The following EPHA4 variants were observed in gnomAD, a reference collection of about 807,000 sequenced individuals.
The protein encoded by EPHA4 is ephrin type-A receptor 4.
Under a neutral mutation model 108.3 loss-of-function variants are expected in EPHA4, and 19 were observed. The ratio of observed to expected loss-of-function variants is 0.18; its 90% CI spans 0.12 to 0.26. The LOEUF (loss-of-function observed/expected upper bound fraction) is 0.26, where lower values mean the gene tolerates loss of function less well. Ranked by LOEUF, EPHA4 falls within the 10% of genes least tolerant of loss-of-function variation. EPHA4 has a pLI of 1.00. For synonymous variants in EPHA4, 449 were observed against 455.5 expected (o/e 0.99, Z 0.18); for missense variants, 917 against 1,254.0 (o/e 0.73, Z 4.06).
intron 3 of EPHA4, among the ~76,000 whole-genome samples, chr2:221,505,559 C>T (rs1329881131): frequency 1.3e-5 from 2 of 152,012 alleles, no homozygotes; most frequent in Non-Finnish European, 1.5e-5. Context: ...CTCCTGACCT[C>T]GTGATCCGCC....
chr2:221,437,757 CAAA>C (rs538233784), intron 11 of EPHA4, among the ~76,000 whole-genome samples: 1 of 125,884 alleles, frequency 7.9e-6, no homozygotes, highest in African/African-American at 2.9e-5. Context: ...ACTAAAAATA[CAAA>C]AAAAAAAAAA....
intron 11 of EPHA4, 29 bp from the exon 12 acceptor site, chr2:221,437,151 C>T (rs756728538): frequency 3.3e-6 from 5 of 1,535,174 alleles, no homozygotes; most frequent in African/African-American, 2.7e-5. Flanking sequence ...AAAACACAAA[C>T]CTTTGATGAG....
chr2:221,517,502 T>C (rs1574628442), intron 3 of EPHA4, among the ~76,000 whole-genome samples: 3 of 152,058 alleles, frequency 2.0e-5, no homozygotes, highest in Admixed American at 2.0e-4. Context: ...GCAGGGGACC[T>C]GTAAGGAGGC....
intron 9 of EPHA4, among the ~76,000 whole-genome samples, chr2:221,445,669 G>C (rs1213661203): frequency 6.7e-6 from 1 of 149,998 alleles, no homozygotes; most frequent in Non-Finnish European, 1.5e-5. Flanking sequence ...TGACCTCTTT[G>C]GAACATCAAA....
chr2:221,448,674 C>T (rs1227527667), intron 8 of EPHA4, among the ~76,000 whole-genome samples: 3 of 152,176 alleles, frequency 2.0e-5, no homozygotes, highest in African/African-American at 4.8e-5. Context: ...GTCCTGCCAG[C>T]CTGAAACATT....
Position 221,499,715 on chromosome 2 carries a change from AATATATAT to A in EPHA4, c.979+1294_979+1301del, listed in dbSNP as rs369326575. Reference sequence around the variant, plus strand: ...AATAGTCATAATGATAACTAAAACTAATATATATATATATATATATATATATATATATA... The same window carrying A: ...AATAGTCATAATGATAACTAAAACTAATATATATATATATATATATATATA... On this transcript the variant is annotated intron_variant, in intron 4 of 17. Transcript: ENST00000281821. Among the ~76,000 whole-genome samples, 101 of 48,428 alleles carry A rather than the reference AATATATAT, an allele frequency of 2.1e-3. 3 individuals carry two copies. Among genetic ancestry groups the A allele is most frequent in the East Asian group, 9.0e-3 (12 of 1,338 alleles). The allele number at this position is 48,428 out of a possible 152,430, so 31.8% of individuals were successfully genotyped here.
intron 5 of EPHA4, among the ~76,000 whole-genome samples, chr2:221,465,462 T>C (rs536592761): frequency 6.6e-6 from 1 of 152,322 alleles, no homozygotes; most frequent in South Asian, 2.1e-4. Context: ...TCACGTTAAT[T>C]GTTTGCATAG....
At chr2:221,460,204 A>G (rs1691095735) in intron 5 of EPHA4, among the ~76,000 whole-genome samples, 1 of 152,204 alleles carries the variant, frequency 6.6e-6, no homozygotes, top group Non-Finnish European at 1.5e-5. Flanking sequence ...GTGAAAATAA[A>G]CCAACAGAGT....
intron 4 of EPHA4, among the ~76,000 whole-genome samples, chr2:221,485,204 G>A (rs934876200): frequency 2.6e-5 from 4 of 152,150 alleles, no homozygotes; most frequent in Non-Finnish European, 5.9e-5. Context: ...GACGGGGCAC[G>A]GCAGTGTCTA....
chr2:221,550,201 T>C (rs1694117084), intron 3 of EPHA4, among the ~76,000 whole-genome samples: 1 of 152,184 alleles, frequency 6.6e-6, no homozygotes, highest in Admixed American at 6.5e-5. Context: ...TTCTTTGTTG[T>C]GGTTATTTTA....
chr2:221,544,288 C>A (rs932608452), intron 3 of EPHA4, among the ~76,000 whole-genome samples: 7 of 152,186 alleles, frequency 4.6e-5, no homozygotes, highest in Non-Finnish European at 8.8e-5. Context: ...TCTTATAGAT[C>A]TGCCACATAT....
intron 5 of EPHA4, among the ~76,000 whole-genome samples, chr2:221,458,510 A>G (rs937157160): frequency 6.6e-6 from 1 of 152,220 alleles, no homozygotes; most frequent in Non-Finnish European, 1.5e-5. Flanking sequence ...TATAAATAAA[A>G]GTACTGCTTA....
At chr2:221,449,848 A>G (rs1479073168) in intron 8 of EPHA4, among the ~76,000 whole-genome samples, 1 of 152,256 alleles carries the variant, frequency 6.6e-6, no homozygotes, top group Non-Finnish European at 1.5e-5. Context: ...TTATTCAGCT[A>G]AAGTGCATAT....
intron 3 of EPHA4, among the ~76,000 whole-genome samples, chr2:221,510,020 G>A (rs1692778655): frequency 6.6e-6 from 1 of 152,206 alleles, no homozygotes; most frequent in Admixed American, 6.5e-5. Context: ...AAAAGACAGT[G>A]TGTTCTGTGT....
intron 8 of EPHA4, among the ~76,000 whole-genome samples, chr2:221,452,032 G>A (rs1159304314): frequency 6.6e-6 from 1 of 152,218 alleles, no homozygotes; most frequent in Admixed American, 6.5e-5. Context: ...GTGAGCCTGA[G>A]GCTGCTTCCT....
At chr2:221,426,711 A>G in intron 15 of EPHA4, 92 bp from the exon 16 acceptor site, 1 of 1,165,576 alleles carries the variant, frequency 8.6e-7, no homozygotes, top group Non-Finnish European at 1.2e-6. Flanking sequence ...GGCAAGGAGA[A>G]CTGAAAAGCT....
chr2:221,503,600 G>T (rs1334448862), intron 3 of EPHA4, among the ~76,000 whole-genome samples: 2 of 152,134 alleles, frequency 1.3e-5, no homozygotes, highest in African/African-American at 2.4e-5. Context: ...ATAAATATAT[G>T]TGAATTCATT....
In EPHA4 at chr2:221,442,857, G is replaced by A. The variant is rs201199748; in HGVS notation, c.2046C>T (p.Ile682=). The A allele has an allele frequency of 2.0e-5, 32 of 1,614,084 alleles. No individual in the cohort carries two copies. The highest frequency in any genetic ancestry group is 2.6e-5 in the Non-Finnish European group (31 of 1,180,038). Residue 682 remains isoleucine (I), a synonymous_variant, in exon 11 of 18, where the codon ATC becomes ATT. Coordinates refer to ENST00000281821, the MANE Select transcript of EPHA4 (RefSeq NM_004438.5). ...TAGTGACCACGCCTTCCAAGTGAAT[G>A]ATGTTCGGATGGTCAAACTGTCCCA... ...SIMGQFDHPN[I]IHLEGVVTKC...
chr2:221,571,828 AT>A lies in EPHA4; in HGVS notation c.91+329del, dbSNP rs560229957. On this transcript the variant is annotated intron_variant, in intron 1 of 17. Transcript: ENST00000281821. The surrounding 1 kb of genome is among the most constrained non-coding windows in gnomAD (Gnocchi z 6.3). ...CTCAGGAGAGGACGTGGTTCTTGTA[AT>A]TTTTTTTTTAAATCCCGGCGTTGTC... 2.3e-4 allele frequency among the ~76,000 whole-genome samples: 34 copies of A among 150,714 alleles called. No homozygotes were observed. The South Asian group carries it at 6.7e-3, about 30-fold the overall frequency.
Sources: gnomAD v4.1 joint callset for allele counts (sites outside exome capture counted in the v4.1 genomes callset) on GRCh38, gnomAD v4.1.1 for gene constraint, Gnocchi (gnomAD v3.1) non-coding constraint, MANE v1.5 for transcripts, NCBI Gene and HGNC (gene_info 2026-07-23, HGNC 2026-07-21) for gene names.